SGCZ: variants seen among roughly 807,000 people sequenced by gnomAD.
The protein encoded by SGCZ is sarcoglycan zeta, also known as zeta-sarcoglycan.
In SGCZ, 40 loss-of-function variants were observed where a neutral mutation model predicts 41.3. That is an observed-to-expected ratio of 0.97 (90% CI 0.75 to 1.26). The LOEUF is 1.26. Ranked by LOEUF, SGCZ falls within the 50% of genes most tolerant of loss-of-function variation. The probability of loss-of-function intolerance (pLI) is 0.00; values close to 1 mark genes in which losing one functional copy is unlikely to be tolerated. For missense variants in SGCZ, 552 were observed against 369.8 expected (o/e 1.49, Z -4.04); for synonymous variants, 206 against 137.5 (o/e 1.50, Z -3.49).
Position 14,995,780 on chromosome 8 carries a change from T to C in SGCZ, c.39+241805A>G, listed in dbSNP as rs952834622. Among the ~76,000 whole-genome samples, 7 of 152,198 alleles carry C rather than the reference T, an allele frequency of 4.6e-5. No individual in the cohort carries two copies. In the East Asian group the frequency reaches 7.7e-4, roughly 17 times the overall value. On this transcript the variant is annotated intron_variant, in intron 1 of 7. Coordinates refer to ENST00000382080, the MANE Select transcript of SGCZ (RefSeq NM_139167.4). ...AAGTATCAATATTACTACTAAAATG[T>C]AGGGCTCTAAAATATCTAATATGCA...
intron 1 of SGCZ, among the ~76,000 whole-genome samples, chr8:14,702,305 C>G (rs926828850): frequency 6.6e-6 from 1 of 151,888 alleles, no homozygotes; most frequent in African/African-American, 2.4e-5. Context: ...TTTACTGACA[C>G]TTTTCTTGCG....
chr8:14,318,074 T>G (rs767404712), intron 3 of SGCZ, among the ~76,000 whole-genome samples: 4 of 151,836 alleles, frequency 2.6e-5, no homozygotes, highest in Non-Finnish European at 5.9e-5. Flanking sequence ...TGCTTGAGAA[T>G]GCAGTGTATA....
At position 14,164,489 on chromosome 8, in the gene SGCZ, T is replaced by A. The variant is rs1804145146; in HGVS notation, c.547+91A>T. 4 of 1,484,546 alleles carry A rather than the reference T, an allele frequency of 2.7e-6. No homozygotes were observed. In the South Asian group the frequency reaches 3.6e-5, roughly 13 times the overall value. 92.0% of individuals were successfully genotyped at this position (1,484,546 alleles called of 1,614,324 possible). A position where few individuals can be genotyped will look rare whatever the true frequency, so the allele number is the denominator to read the frequency against. On this transcript the variant is annotated intron_variant, in intron 5 of 7. Coordinates refer to ENST00000382080, the MANE Select transcript of SGCZ (RefSeq NM_139167.4). ...ATTATGTAAGACTCTACTTTAGGCA[T>A]AGGAATCATCCATCTTATTAAGAAG...
intron 1 of SGCZ, among the ~76,000 whole-genome samples, chr8:14,917,940 G>T (rs1349733172): frequency 6.6e-6 from 1 of 152,046 alleles, no homozygotes; most frequent in African/African-American, 2.4e-5. Context: ...CCTTAGTGGT[G>T]TTCTGCAAAA....
intron 1 of SGCZ, among the ~76,000 whole-genome samples, chr8:14,672,241 A>G (rs1263290491): frequency 6.6e-6 from 1 of 152,172 alleles, no homozygotes; most frequent in Non-Finnish European, 1.5e-5. Flanking sequence ...AGTTATTTAA[A>G]ATATATAATT....
chr8:14,489,140 G>A (rs1801767269), intron 2 of SGCZ, among the ~76,000 whole-genome samples: 1 of 151,880 alleles, frequency 6.6e-6, no homozygotes. Flanking sequence ...TCCTGTGCAT[G>A]TCACCTTTTA....
Position 15,169,922 on chromosome 8 carries a change from G to C in SGCZ, c.39+67663C>G, listed in dbSNP as rs1410341050. Reference sequence around the variant, plus strand: ...AAGTATCTTAGTTGGCATTAACCTAGAAAAGAGTGAACTACGTAATTTCAT... The same window carrying C: ...AAGTATCTTAGTTGGCATTAACCTACAAAAGAGTGAACTACGTAATTTCAT... On this transcript the variant is annotated intron_variant, in intron 1 of 7. Coordinates refer to ENST00000382080, the MANE Select transcript of SGCZ (RefSeq NM_139167.4). 2.6e-5 allele frequency among the ~76,000 whole-genome samples: 4 copies of C among 152,274 alleles called. No individual in the cohort carries two copies. The East Asian group carries it at 7.7e-4, about 29-fold the overall frequency.
chr8:14,241,560 G>C (rs981610776), intron 3 of SGCZ, among the ~76,000 whole-genome samples: 2 of 146,302 alleles, frequency 1.4e-5, no homozygotes, highest in Non-Finnish European at 3.0e-5. Context: ...TTTGGAAAAA[G>C]AAAATCTTTA....
intron 3 of SGCZ, among the ~76,000 whole-genome samples, chr8:14,264,386 T>A (rs1430361615): frequency 6.6e-6 from 1 of 152,096 alleles, no homozygotes; most frequent in African/African-American, 2.4e-5. Flanking sequence ...CTAGGCTGGT[T>A]ACTGTGGATG....
At chr8:15,037,727 T>C (rs781413032) in intron 1 of SGCZ, among the ~76,000 whole-genome samples, 4 of 152,116 alleles carry the variant, frequency 2.6e-5, no homozygotes, top group Non-Finnish European at 5.9e-5. Context: ...ATGCAGAAAA[T>C]GCTAAAGACT....
At chr8:14,264,587 G>C (rs1799808177) in intron 3 of SGCZ, among the ~76,000 whole-genome samples, 1 of 152,142 alleles carries the variant, frequency 6.6e-6, no homozygotes, top group African/African-American at 2.4e-5. Context: ...GCATTATCTG[G>C]CGATGATACA....
At chr8:15,143,106 A>G (rs1042249151) in intron 1 of SGCZ, among the ~76,000 whole-genome samples, 1 of 152,204 alleles carries the variant, frequency 6.6e-6, no homozygotes, top group African/African-American at 2.4e-5. Context: ...ATCTAGCAAT[A>G]CCATATGTGG....
chr8:14,519,541 A>T (rs1345943010), intron 2 of SGCZ, among the ~76,000 whole-genome samples: 2 of 152,150 alleles, frequency 1.3e-5, no homozygotes, highest in African/African-American at 4.8e-5. Flanking sequence ...ATATTTAAAC[A>T]TATTAGTTTT....
At chr8:14,227,724 G>A (rs1220049957) in intron 4 of SGCZ, among the ~76,000 whole-genome samples, 1 of 151,962 alleles carries the variant, frequency 6.6e-6, no homozygotes, top group Non-Finnish European at 1.5e-5. Context: ...TAAATACTTG[G>A]AAACAGAAGA....
At chr8:14,957,611 T>C (rs1183801110) in intron 1 of SGCZ, among the ~76,000 whole-genome samples, 2 of 152,068 alleles carry the variant, frequency 1.3e-5, no homozygotes, top group Non-Finnish European at 2.9e-5. Flanking sequence ...AAACTCAAGA[T>C]TTCTTATTAT....
intron 4 of SGCZ, among the ~76,000 whole-genome samples, chr8:14,179,281 G>GCAGC (rs1325443551): frequency 6.6e-6 from 1 of 152,222 alleles, no homozygotes; most frequent in African/African-American, 2.4e-5. Context: ...CCCTGTACAT[G>GCAGC]CAGCCGTATC....
chr8:14,894,189 T>G (rs1055991517), intron 1 of SGCZ, among the ~76,000 whole-genome samples: 2 of 152,216 alleles, frequency 1.3e-5, no homozygotes, highest in Non-Finnish European at 2.9e-5. Context: ...CTCATAGTAC[T>G]TAAACTTTGC....
At chr8:14,787,850 A>C (rs1022924213) in intron 1 of SGCZ, among the ~76,000 whole-genome samples, 3 of 152,178 alleles carry the variant, frequency 2.0e-5, no homozygotes, top group African/African-American at 7.2e-5. Flanking sequence ...CCATTTCAAA[A>C]AAAAAAGGAA....
intron 3 of SGCZ, among the ~76,000 whole-genome samples, chr8:14,242,941 G>C (rs1174539777): frequency 6.6e-6 from 1 of 152,120 alleles, no homozygotes; most frequent in Non-Finnish European, 1.5e-5. Context: ...GTCTCTAAAA[G>C]AAACATCTTA....
Sources: gnomAD v4.1 joint callset for allele counts (sites outside exome capture counted in the v4.1 genomes callset) on GRCh38, gnomAD v4.1.1 for gene constraint, MANE v1.5 for transcripts, NCBI Gene and HGNC (gene_info 2026-07-23, HGNC 2026-07-21) for gene names.